Variants in ADCY4 observed in about 807,000 individuals in gnomAD.
ADCY4 encodes the protein adenylate cyclase type 4.
ADCY4 carries 111 observed loss-of-function variants against 125.5 expected under a neutral mutation model. The observed-to-expected ratio is 0.88, with a 90% confidence interval of 0.76 to 1.04. The LOEUF (loss-of-function observed/expected upper bound fraction) is 1.04. Among genes scored for constraint, ADCY4 ranks in the 50% least tolerant of loss-of-function variants. The pLI, the probability that ADCY4 is intolerant of heterozygous loss-of-function variation, is 0.00. For synonymous variants in ADCY4, 576 were observed against 586.9 expected (o/e 0.98, Z 0.27); for missense variants, 1,256 against 1,382.9 (o/e 0.91, Z 1.46).
At chr14:24,330,662 G>A in intron 6 of ADCY4, 3 of 342,604 alleles carry the variant, frequency 8.8e-6, no homozygotes, top group Non-Finnish European at 1.6e-5. Flanking sequence ...GGCTGAGGTT[G>A]CATAGGGCAG....
Position 24,334,844 on chromosome 14 carries a change from A to T in ADCY4, c.-192T>A. The T allele has an allele frequency of 1.7e-6, 1 of 576,370 alleles. No homozygotes were observed. Among genetic ancestry groups the T allele is most frequent in the East Asian group, 3.1e-5 (1 of 32,544 alleles). 35.7% of individuals were successfully genotyped at this position (576,370 alleles called of 1,614,324 possible). On this transcript the variant is annotated 5_prime_UTR_variant, in exon 1 of 25. Transcript: ENST00000418030. Reference sequence around the variant, plus strand: ...CCTCCCAGCCCGCTCCCAGCTGGCGATGAGGGGATCCCTCAGTCCTTTCCT... The same window carrying T: ...CCTCCCAGCCCGCTCCCAGCTGGCGTTGAGGGGATCCCTCAGTCCTTTCCT...
intron 10 of ADCY4, among the ~76,000 whole-genome samples, chr14:24,326,876 G>A (rs992484804): frequency 1.4e-5 from 2 of 146,996 alleles, no homozygotes; most frequent in Non-Finnish European, 3.0e-5. Flanking sequence ...TTATAGGCAT[G>A]AGCCACCGTA....
intron 1 of ADCY4, among the ~76,000 whole-genome samples, chr14:24,333,207 A>G (rs1311977826): frequency 6.6e-6 from 1 of 151,868 alleles, no homozygotes; most frequent in Non-Finnish European, 1.5e-5. Flanking sequence ...GCAGTCTCGT[A>G]TGGTTTTTGT....
In ADCY4 at chr14:24,329,236, TG is replaced by T. The variant is rs1311670854; in HGVS notation, c.1351-3del. The T allele has an allele frequency of 1.2e-6, 2 of 1,613,392 alleles. No individual in the cohort carries two copies. The highest frequency in any genetic ancestry group is 1.7e-6 in the Non-Finnish European group (2 of 1,179,588). ...GCCCTTCTCATCCTCCTCCTCTGCC[TG>T]GGGCACATAAGGGCTGACAGTAAAG... On this transcript the variant is annotated splice_polypyrimidine_tract_variant and splice_region_variant and intron_variant, in intron 9 of 24. Coordinates refer to ENST00000418030, the MANE Select transcript of ADCY4 (RefSeq NM_001198568.2).
rs1286287758 is a variant in ADCY4 at position 24,329,993 on chromosome 14, C to T, written c.1084G>A (p.Asp362Asn). The change falls in exon 8 of 25, where the codon GAC (aspartate) becomes AAC (asparagine). Residue 362 changes from aspartate to asparagine, a missense_variant. Transcript: ENST00000418030. ...TGCACGCCCACACGCATGTTGATGT[C>T]CACGCCAGTGGCTGCCCGCAGTTTC... Reference protein sequence around the residue: ...IRKLRAATGVDINMRVGVHSG... With the variant: ...IRKLRAATGVNINMRVGVHSG... 1 of 1,613,982 alleles carries T rather than the reference C, an allele frequency of 6.2e-7. No homozygotes were observed. The highest frequency in any genetic ancestry group is 8.5e-7 in the Non-Finnish European group (1 of 1,179,892).
At chr14:24,324,518 G>C (rs1594655359) in intron 14 of ADCY4, 127 bp from the exon 15 acceptor site, 1 of 1,069,836 alleles carries the variant, frequency 9.3e-7, no homozygotes, top group South Asian at 1.4e-5. Flanking sequence ...GCTGGCGATG[G>C]GGTCCCGGCT....
intron 1 of ADCY4, among the ~76,000 whole-genome samples, chr14:24,334,277 C>G (rs1440273140): frequency 1.3e-5 from 2 of 152,212 alleles, no homozygotes; most frequent in Admixed American, 6.5e-5. Context: ...AGAACCCGGA[C>G]AGAAACGAGA....
rs1359621929 is a variant in ADCY4, at chr14:24,326,184, G to T, written c.1569-19C>A. The T allele has an allele frequency of 6.2e-7, 1 of 1,607,702 alleles. No individual in the cohort carries two copies. Among genetic ancestry groups the T allele is most frequent in the Non-Finnish European group, 8.5e-7 (1 of 1,175,428 alleles). On this transcript the variant is annotated intron_variant, in intron 11 of 24. Coordinates refer to ENST00000418030, the MANE Select transcript of ADCY4 (RefSeq NM_001198568.2). The stretch of plus-strand genomic sequence containing the variant: ...ACGGCTCCTGCACAGTGAGAGCCAA[G>T]TCCATCACCACAGAGACCCTCAGAG...
intron 18 of ADCY4, 29 bp downstream of exon 18, chr14:24,322,875 C>T (rs759664163): frequency 2.3e-5 from 36 of 1,565,296 alleles, no homozygotes; most frequent in Admixed American, 1.9e-4. Context: ...CCAGGGGGCC[C>T]GGCACCTCTG....
intron 19 of ADCY4, 37 bp from the exon 20 acceptor site, chr14:24,322,261 A>G (rs374651060): frequency 1.3e-5 from 20 of 1,586,016 alleles, no homozygotes; most frequent in Non-Finnish European, 1.7e-5. Flanking sequence ...GGAGACACAG[A>G]GCAGGGGAAG....
intron 20 of ADCY4, 189 bp downstream of exon 20, chr14:24,321,877 T>C (rs2041856940): frequency 1.5e-6 from 2 of 1,333,546 alleles, no homozygotes; most frequent in African/African-American, 2.9e-5. Context: ...AAGTAAGAAT[T>C]TGAAATGCAG....
chr14:24,319,318 G>T lies in ADCY4; in HGVS notation c.2841+11C>A, dbSNP rs779281281. ...CAGAGGAGGATGGTAGGTAAGGAAG[G>T]GTTGCCGTACCTGTTGTGCATCCTG... On this transcript the variant is annotated intron_variant, in intron 22 of 24. Coordinates refer to ENST00000418030, the MANE Select transcript of ADCY4 (RefSeq NM_001198568.2). The surrounding 1 kb of genome is among the most constrained non-coding windows in gnomAD (Gnocchi z 4.5). The T allele has an allele frequency of 4.3e-6, 7 of 1,613,500 alleles. No homozygotes were observed. The Admixed American group carries it at 1.2e-4, about 27-fold the overall frequency.
At position 24,319,163 on chromosome 14, in the gene ADCY4, A is replaced by G. The variant is rs375677475; in HGVS notation, c.2891T>C (p.Val964Ala). ...SHLGTMVEFAVALGSKLDVIN... is the reference protein window; with the variant it reads ...SHLGTMVEFAAALGSKLDVIN... ...GACGTCCAGCTTAGACCCCAGGGCC[A>G]CGGCAAATTCCACCATAGTGCCAAG... Residue 964 changes from valine (V) to alanine (A), a missense_variant, in exon 23 of 25, where the codon GTG becomes GCG. By Grantham distance (64) the Val-to-Ala change is moderately conservative. Transcript: ENST00000418030. This position sits in a 1 kb window ranked among gnomAD's most constrained non-coding sequence, Gnocchi z 4.5. The G allele has an allele frequency of 5.8e-5, 94 of 1,613,986 alleles. No homozygotes were observed. Among genetic ancestry groups the G allele is most frequent in the Non-Finnish European group, 1.9e-5 (22 of 1,180,026 alleles).
intron 13 of ADCY4, 68 bp from the exon 14 acceptor site, chr14:24,325,542 C>T (rs2041928810): frequency 1.4e-6 from 2 of 1,398,614 alleles, no homozygotes; most frequent in East Asian, 2.4e-5. Flanking sequence ...GGCATCACTC[C>T]CAGGCAAGGG....
chr14:24,329,238 G>A lies in ADCY4; in HGVS notation c.1351-4C>T. 1 of 1,612,950 alleles carries A rather than the reference G, an allele frequency of 6.2e-7. No individual in the cohort carries two copies. The highest frequency in any genetic ancestry group is 8.5e-7 in the Non-Finnish European group (1 of 1,179,316). On this transcript the variant is annotated splice_region_variant and splice_polypyrimidine_tract_variant and intron_variant, in intron 9 of 24. Transcript: ENST00000418030. ...CCTTCTCATCCTCCTCCTCTGCCTG[G>A]GGCACATAAGGGCTGACAGTAAAGA...
At chr14:24,330,354 G>T (rs1195697840) in intron 6 of ADCY4, 59 bp from the exon 7 acceptor site, 1 of 1,604,666 alleles carries the variant, frequency 6.2e-7, no homozygotes, top group Non-Finnish European at 8.5e-7. Flanking sequence ...AGGGTAGGAG[G>T]GAGTTGGGAA....
At position 24,323,311 on chromosome 14, in the gene ADCY4, A is replaced by G. The variant is rs1594653089; in HGVS notation, c.2157+33T>C. On this transcript the variant is annotated intron_variant, in intron 17 of 24. Transcript: ENST00000418030. Reference sequence around the variant, plus strand: ...GGGCTTGGGCTGAGGAAGGGTGTGCAGAAGGAGATTAAGGGCATGTGGGAA... The same window carrying G: ...GGGCTTGGGCTGAGGAAGGGTGTGCGGAAGGAGATTAAGGGCATGTGGGAA... 5 of 1,525,770 alleles carry G rather than the reference A, an allele frequency of 3.3e-6. No individual in the cohort carries two copies. In the East Asian group the frequency reaches 9.8e-5, roughly 30 times the overall value. The allele number at this position is 1,525,770 out of a possible 1,614,324, so 94.5% of individuals were successfully genotyped here. A position where few individuals can be genotyped will look rare whatever the true frequency, so the allele number is the denominator to read the frequency against.
At chr14:24,333,287 C>A (rs780524931) in intron 1 of ADCY4, among the ~76,000 whole-genome samples, 7 of 152,118 alleles carry the variant, frequency 4.6e-5, no homozygotes, top group Non-Finnish European at 7.4e-5. Flanking sequence ...GTGGCGCGAT[C>A]TCGGCTTACT....
intron 4 of ADCY4, 101 bp from the exon 5 acceptor site, chr14:24,331,457 TC>T: frequency 1.3e-6 from 2 of 1,508,600 alleles, no homozygotes; most frequent in South Asian, 1.2e-5. Flanking sequence ...TCCTAGGTGC[TC>T]CCCAGGGTGC....
Sources: gnomAD v4.1 joint callset for allele counts (sites outside exome capture counted in the v4.1 genomes callset) on GRCh38, gnomAD v4.1.1 for gene constraint, Gnocchi (gnomAD v3.1) non-coding constraint, MANE v1.5 for transcripts, NCBI Gene and HGNC (gene_info 2026-07-23, HGNC 2026-07-21) for gene names.